CLSTN2: variants seen among roughly 807,000 people sequenced by gnomAD.
The protein encoded by CLSTN2 is calsyntenin 2.
Under a neutral mutation model 101.2 loss-of-function variants are expected in CLSTN2, and 48 were observed. The ratio of observed to expected loss-of-function variants is 0.47; its 90% CI spans 0.38 to 0.60. CLSTN2 has a LOEUF of 0.60. CLSTN2 is among the 20% of genes least tolerant of loss of function. The pLI is 0.00. For missense variants in CLSTN2, 1,160 were observed against 1,238.2 expected, an observed-to-expected ratio of 0.94 and a Z score of 0.95; for synonymous variants, 481 against 463.6, an observed-to-expected ratio of 1.04 and a Z score of -0.48.
rs761199645 is a variant in CLSTN2 at position 140,448,506 on chromosome 3, C to T, written c.788-13C>T. 1 of 1,595,928 alleles carries T rather than the reference C, an allele frequency of 6.3e-7. No homozygotes were observed. Among genetic ancestry groups the T allele is most frequent in the Non-Finnish European group, 8.6e-7 (1 of 1,166,252 alleles). On this transcript the variant is annotated splice_polypyrimidine_tract_variant and intron_variant, in intron 5 of 16. Transcript: ENST00000458420. The stretch of plus-strand genomic sequence containing the variant: ...CACCTGATTCACTTTTCATCCTTTC[C>T]TTGTTTGTTTAGACTGGACCAAGAG...
At chr3:140,384,461 G>T (rs1163788766) in intron 2 of CLSTN2, among the ~76,000 whole-genome samples, 1 of 152,158 alleles carries the variant, frequency 6.6e-6, no homozygotes, top group East Asian at 1.9e-4. Context: ...GTTGTCAGCA[G>T]TATTGATGAC....
chr3:140,211,996 A>G (rs981996394), intron 2 of CLSTN2, among the ~76,000 whole-genome samples: 6 of 152,312 alleles, frequency 3.9e-5, no homozygotes, highest in East Asian at 1.9e-4. Context: ...TCCCTGCACC[A>G]TCCATATTTT....
intron 1 of CLSTN2, among the ~76,000 whole-genome samples, chr3:139,972,421 T>C (rs1935728157): frequency 6.6e-6 from 1 of 152,198 alleles, no homozygotes; most frequent in Non-Finnish European, 1.5e-5. Flanking sequence ...ATGTTATTGT[T>C]AGCATCTCTC....
chr3:140,169,363 A>T (rs2010179259), intron 1 of CLSTN2, among the ~76,000 whole-genome samples: 1 of 152,036 alleles, frequency 6.6e-6, no homozygotes, highest in Non-Finnish European at 1.5e-5. Context: ...AACTCTTATT[A>T]GTTCTAAGCA....
Position 140,337,709 on chromosome 3 carries a change from C to G in CLSTN2, c.233-65920C>G, listed in dbSNP as rs140992922. On this transcript the variant is annotated intron_variant, in intron 2 of 16. Coordinates refer to ENST00000458420, the MANE Select transcript of CLSTN2 (RefSeq NM_022131.3). ...GCTGGCCTTGCCTTCAGTAGGATTT[C>G]TTGAGCCCCAGATTAGGTTCTCAAC... 2.6e-3 allele frequency among the ~76,000 whole-genome samples: 396 copies of G among 152,252 alleles called. 1 individual carries two copies. Among genetic ancestry groups the G allele is most frequent in the African/African-American group, 8.4e-3 (347 of 41,540 alleles).
chr3:140,207,357 A>G (rs2010797088), intron 2 of CLSTN2, among the ~76,000 whole-genome samples: 1 of 152,166 alleles, frequency 6.6e-6, no homozygotes, highest in Non-Finnish European at 1.5e-5. Flanking sequence ...AAGATTCACC[A>G]TTCCCATCTT....
At chr3:140,154,650 T>TG (rs1189989945) in intron 1 of CLSTN2, among the ~76,000 whole-genome samples, 14 of 138,472 alleles carry the variant, frequency 1.0e-4, no homozygotes, top group African/African-American at 3.7e-4. Flanking sequence ...CCTTTTTTTT[T>TG]TTTTTTTTTT....
chr3:139,970,646 G>T (rs185697248), intron 1 of CLSTN2, among the ~76,000 whole-genome samples: 1 of 152,280 alleles, frequency 6.6e-6, no homozygotes, highest in Non-Finnish European at 1.5e-5. Context: ...GAACACAGCG[G>T]CAGTGGACCA....
At chr3:140,444,510 T>C (rs1255820665) in intron 5 of CLSTN2, among the ~76,000 whole-genome samples, 1 of 152,044 alleles carries the variant, frequency 6.6e-6, no homozygotes, top group Admixed American at 6.6e-5. Flanking sequence ...GCAATTAAGA[T>C]ACACTCCCCC....
chr3:140,560,435 T>C (rs1230287267), intron 12 of CLSTN2, among the ~76,000 whole-genome samples: 1 of 152,214 alleles, frequency 6.6e-6, no homozygotes, highest in African/African-American at 2.4e-5. Flanking sequence ...TCCCTATCCC[T>C]TGATTCCTGG....
At chr3:140,327,591 G>A (rs1056475959) in intron 2 of CLSTN2, among the ~76,000 whole-genome samples, 10 of 152,184 alleles carry the variant, frequency 6.6e-5, no homozygotes, top group African/African-American at 2.4e-4. Flanking sequence ...AAAAGAATGT[G>A]CACTTTGGAG....
intron 12 of CLSTN2, among the ~76,000 whole-genome samples, chr3:140,559,165 G>GA (rs376876525): frequency 0.074 from 9,854 of 132,476 alleles, 465 homozygotes; most frequent in East Asian, 0.21. Flanking sequence ...AACCATTTAA[G>GA]AAAAAAAAAA....
At chr3:139,979,752 CTT>C (rs1361745154) in intron 1 of CLSTN2, among the ~76,000 whole-genome samples, 2 of 152,024 alleles carry the variant, frequency 1.3e-5, no homozygotes, top group Non-Finnish European at 2.9e-5. Flanking sequence ...AAGATGAACT[CTT>C]TACTCTGCTT....
chr3:140,457,811 A>C (rs139144073), intron 6 of CLSTN2, among the ~76,000 whole-genome samples: 1 of 152,312 alleles, frequency 6.6e-6, no homozygotes, highest in Non-Finnish European at 1.5e-5. Flanking sequence ...CAAAATCTCT[A>C]GGAAATACTC....
At chr3:140,332,950 G>T (rs937305216) in intron 2 of CLSTN2, among the ~76,000 whole-genome samples, 1 of 152,140 alleles carries the variant, frequency 6.6e-6, no homozygotes, top group Non-Finnish European at 1.5e-5. Context: ...CCAGGTTTAG[G>T]CTTAGGCAAG....
intron 2 of CLSTN2, among the ~76,000 whole-genome samples, chr3:140,371,763 G>T (rs1443180322): frequency 1.6e-4 from 24 of 152,184 alleles, no homozygotes; most frequent in Admixed American, 1.4e-3. Context: ...TGGTCCAATA[G>T]CAGGCAGCAC....
At chr3:139,942,145 C>A (rs1412566093) in intron 1 of CLSTN2, among the ~76,000 whole-genome samples, 4 of 152,180 alleles carry the variant, frequency 2.6e-5, no homozygotes, top group Non-Finnish European at 4.4e-5. Context: ...CTCTGCTGCC[C>A]TGGAAGGCAT....
Position 140,072,420 on chromosome 3 carries a change from C to T in CLSTN2, c.110-103531C>T, listed in dbSNP as rs549555762. Among the ~76,000 whole-genome samples, 11 of 152,188 alleles carry T rather than the reference C, an allele frequency of 7.2e-5. No individual in the cohort carries two copies. The South Asian group carries it at 2.1e-3, about 29-fold the overall frequency. Reference sequence around the variant, plus strand: ...ATAGTTCTTCTATAAATCAAAACCACGTGTGTTAGTTATATGTAAATGAAT... The same window carrying T: ...ATAGTTCTTCTATAAATCAAAACCATGTGTGTTAGTTATATGTAAATGAAT... On this transcript the variant is annotated intron_variant, in intron 1 of 16. Coordinates refer to ENST00000458420, the MANE Select transcript of CLSTN2 (RefSeq NM_022131.3).
chr3:140,542,995 C>T (rs1049255875), intron 9 of CLSTN2, among the ~76,000 whole-genome samples: 2 of 152,158 alleles, frequency 1.3e-5, no homozygotes, highest in Non-Finnish European at 2.9e-5. Context: ...CTTTTGGTCA[C>T]CTACTTCCCC....
Sources: allele counts gnomAD v4.1 joint callset (sites outside exome capture counted in the v4.1 genomes callset), GRCh38; gene constraint gnomAD v4.1.1; transcripts MANE v1.5; gene names NCBI Gene and HGNC (gene_info 2026-07-23, HGNC 2026-07-21).